ESRRG: variants seen among roughly 807,000 people sequenced by gnomAD.
The protein encoded by ESRRG is estrogen related receptor gamma.
In ESRRG, 13 loss-of-function variants were observed where a neutral mutation model predicts 44.0. That is an observed-to-expected ratio of 0.30 (90% CI 0.19 to 0.47). The LOEUF is 0.47. ESRRG is among the 20% of genes least tolerant of loss of function. The pLI is 1.00. For missense variants in ESRRG, 395 were observed against 580.6 expected (o/e 0.68, Z 3.29); for synonymous variants, 215 against 214.6 (o/e 1.00, Z -0.02).
At chr1:216,591,526 C>A (rs566646503) in intron 3 of ESRRG, among the ~76,000 whole-genome samples, 6 of 152,144 alleles carry the variant, frequency 3.9e-5, no homozygotes, top group Non-Finnish European at 8.8e-5. Context: ...TGAAAACATT[C>A]AAAAACAATA....
At chr1:216,731,848 A>G (rs1228340938) in intron 2 of ESRRG, among the ~76,000 whole-genome samples, 1 of 152,218 alleles carries the variant, frequency 6.6e-6, no homozygotes, top group Non-Finnish European at 1.5e-5. Flanking sequence ...AGTTTATCCA[A>G]TCAAACTGTG....
At chr1:216,750,168 C>G (rs1323771185) in intron 2 of ESRRG, among the ~76,000 whole-genome samples, 2 of 152,112 alleles carry the variant, frequency 1.3e-5, no homozygotes. Flanking sequence ...GCAAAAAATG[C>G]CTGGCCTGTG....
chr1:217,077,897 A>G (rs1436286653), intron 1 of ESRRG, among the ~76,000 whole-genome samples: 1 of 152,226 alleles, frequency 6.6e-6, no homozygotes, highest in East Asian at 1.9e-4. Context: ...TAATTGTCCC[A>G]CAAGTCACAT....
At chr1:216,929,772 G>A (rs1378093045) in intron 2 of ESRRG, among the ~76,000 whole-genome samples, 1 of 152,074 alleles carries the variant, frequency 6.6e-6, no homozygotes, top group Non-Finnish European at 1.5e-5. Context: ...TGTCCTAAAT[G>A]CCAAATGAGA....
intron 2 of ESRRG, among the ~76,000 whole-genome samples, chr1:216,783,545 A>G (rs1475256774): frequency 6.6e-6 from 1 of 152,042 alleles, no homozygotes; most frequent in Non-Finnish European, 1.5e-5. Flanking sequence ...TCTGTTGTGC[A>G]TTTATAAATA....
intron 1 of ESRRG, among the ~76,000 whole-genome samples, chr1:217,112,680 G>C (rs977909354): frequency 6.6e-6 from 1 of 152,144 alleles, no homozygotes; most frequent in South Asian, 2.1e-4. Context: ...GATTTGCTAG[G>C]TTTCAAAATA....
rs775720774 is a variant in ESRRG at position 216,519,337 on chromosome 1, C to T, written c.947G>A (p.Arg316Gln). The T allele has an allele frequency of 1.9e-6, 3 of 1,613,624 alleles. No individual in the cohort carries two copies. Among genetic ancestry groups the T allele is most frequent in the Non-Finnish European group, 2.5e-6 (3 of 1,179,720 alleles). Reference protein sequence around the residue: ...MEILILGVVYRSLSFEDELVY... With the variant: ...MEILILGVVYQSLSFEDELVY... ...AAGTTCATCCTCAAACGAAAGAGAC[C>T]GGTATACGACACCAAGGATCAAAAT... Residue 316 changes from arginine (R) to glutamine (Q), a missense_variant, in exon 6 of 7, where the codon CGG (arginine) becomes CAG (glutamine). Physicochemically the swap from Arg to Gln is conservative, Grantham distance 43. Transcript: ENST00000408911.
At chr1:216,614,269 C>T (rs1203225354) in intron 3 of ESRRG, among the ~76,000 whole-genome samples, 2 of 152,184 alleles carry the variant, frequency 1.3e-5, no homozygotes, top group African/African-American at 4.8e-5. Flanking sequence ...TGAGATGTTA[C>T]TGCTCTTGTA....
chr1:216,589,738 C>T (rs1368945162), intron 3 of ESRRG, among the ~76,000 whole-genome samples: 2 of 151,478 alleles, frequency 1.3e-5, no homozygotes, highest in Admixed American at 1.3e-4. Context: ...ACCCCATCTT[C>T]ACTAAAAGCA....
intron 1 of ESRRG, among the ~76,000 whole-genome samples, chr1:216,972,353 C>T (rs149068668): frequency 2.4e-4 from 36 of 152,252 alleles, no homozygotes; most frequent in Non-Finnish European, 4.4e-4. Context: ...CAAATAATTG[C>T]CAATGGGACA....
intron 3 of ESRRG, among the ~76,000 whole-genome samples, chr1:216,640,811 G>A (rs952002044): frequency 4.6e-5 from 7 of 152,006 alleles, no homozygotes; most frequent in Non-Finnish European, 5.9e-5. Context: ...ATTGATATAC[G>A]TATGCGTTGG....
At chr1:216,736,176 ATTTTTTTTTT>A (rs34469625) in intron 2 of ESRRG, among the ~76,000 whole-genome samples, 1 of 82,688 alleles carries the variant, frequency 1.2e-5, no homozygotes, top group Non-Finnish European at 2.2e-5. Flanking sequence ...GTTAAGGACT[ATTTTTTTTTT>A]TTTTTTTTTT....
intron 3 of ESRRG, among the ~76,000 whole-genome samples, chr1:216,647,900 A>AT (rs2067990779): frequency 2.0e-5 from 3 of 152,184 alleles, no homozygotes. Context: ...ATTTCATTTC[A>AT]GATTCTAGAA....
intron 2 of ESRRG, among the ~76,000 whole-genome samples, chr1:216,889,614 G>A (rs2057495137): frequency 6.6e-6 from 1 of 152,158 alleles, no homozygotes; most frequent in South Asian, 2.1e-4. Flanking sequence ...AGCCAAATGA[G>A]GTGCTGTCAG....
chr1:216,735,736 T>A (rs1275437181), intron 2 of ESRRG, among the ~76,000 whole-genome samples: 1 of 152,014 alleles, frequency 6.6e-6, no homozygotes, highest in African/African-American at 2.4e-5. Context: ...ATCCCAGCAC[T>A]TTGGGAGACC....
intron 1 of ESRRG, among the ~76,000 whole-genome samples, chr1:217,127,479 A>C (rs148043687): frequency 3.3e-5 from 5 of 152,362 alleles, no homozygotes; most frequent in African/African-American, 1.2e-4. Context: ...TAGACCTTCC[A>C]GTGTTTCAAG....
intron 6 of ESRRG, among the ~76,000 whole-genome samples, chr1:216,515,652 A>T (rs963755254): frequency 1.3e-5 from 2 of 152,160 alleles, no homozygotes; most frequent in Admixed American, 6.5e-5. Flanking sequence ...GTAGAAGTAA[A>T]AAAGAAAACT....
intron 1 of ESRRG, among the ~76,000 whole-genome samples, chr1:217,038,397 T>C (rs1394895401): frequency 6.6e-6 from 1 of 152,240 alleles, no homozygotes; most frequent in Non-Finnish European, 1.5e-5. Flanking sequence ...TGTGACTCTA[T>C]CTTGAATTCC....
intron 5 of ESRRG, among the ~76,000 whole-genome samples, chr1:216,521,063 G>A (rs1394490851): frequency 6.6e-6 from 1 of 152,146 alleles, no homozygotes; most frequent in Admixed American, 6.5e-5. Flanking sequence ...GAATCTTTAA[G>A]ATATGTGTAA....
Sources: gnomAD v4.1 joint callset for allele counts (sites outside exome capture counted in the v4.1 genomes callset) on GRCh38, gnomAD v4.1.1 for gene constraint, MANE v1.5 for transcripts, NCBI Gene and HGNC (gene_info 2026-07-23, HGNC 2026-07-21) for gene names.